Variants in PIN4 observed in about 807,000 individuals in gnomAD.
PIN4 encodes the protein peptidylprolyl cis/trans isomerase, NIMA-interacting 4.
PIN4 carries 3 observed loss-of-function variants against 8.3 expected under a neutral mutation model. The observed-to-expected ratio is 0.36, with a 90% confidence interval of 0.16 to 0.93. PIN4 has a LOEUF of 0.93. Ranked by LOEUF, PIN4 falls within the 40% of genes least tolerant of loss-of-function variation. The pLI is 0.44. For missense variants in PIN4, 75 were observed against 100.6 expected (o/e 0.75, Z 1.09); for synonymous variants, 18 against 32.5 (o/e 0.55, Z 1.52).
intron 3 of PIN4, among the ~76,000 whole-genome samples, chrX:72,254,253 G>A (rs1422987027): frequency 9.0e-6 from 1 of 111,432 alleles, no homozygotes; most frequent in African/African-American, 3.3e-5. Flanking sequence ...TGCTTTTGCT[G>A]TCCCCTTGGC....
intron 2 of PIN4, among the ~76,000 whole-genome samples, chrX:72,192,055 G>A (rs1009138275): frequency 9.0e-6 from 1 of 110,834 alleles, no homozygotes; most frequent in Non-Finnish European, 1.9e-5. Context: ...AGTTTCAAGC[G>A]ATTCTCCTGC....
rs564440425 is a variant in PIN4, at chrX:72,262,700, T to C, written c.313-7T>C. On this transcript the variant is annotated splice_polypyrimidine_tract_variant and splice_region_variant and intron_variant, in intron 3 of 3. Coordinates refer to the PIN4 transcript ENST00000423432. ...ATTGACATTATCACTTTCTTTATGT[T>C]TGGCAGATTCCCAGCCTGCAGCAAC... 3.7e-3 allele frequency: 4,096 copies of C among 1,115,482 alleles called. 21 individuals are homozygous for C. Among genetic ancestry groups the C allele is most frequent in the Middle Eastern group, 0.02 (86 of 4,212 alleles). The allele number at this position is 1,115,482 out of a possible 1,213,427, so 91.9% of individuals were successfully genotyped here. A position where few individuals can be genotyped will look rare whatever the true frequency, so the allele number is the denominator to read the frequency against.
At chrX:72,239,063 A>C (rs968216829) in intron 3 of PIN4, 6 of 543,758 alleles carry the variant, frequency 1.1e-5, no homozygotes, top group Non-Finnish European at 1.1e-5. Flanking sequence ...CAGCCAACCG[A>C]CGGCCTCGCG....
intron 3 of PIN4, among the ~76,000 whole-genome samples, chrX:72,248,634 T>C (rs2043076245): frequency 8.9e-6 from 1 of 112,173 alleles, no homozygotes. Flanking sequence ...TCCCATCACT[T>C]TGGGAGGCCA....
At chrX:72,239,437 C>A (rs2984353) in intron 3 of PIN4, among the ~76,000 whole-genome samples, 31,307 of 111,276 alleles carry the variant, frequency 0.28, 3,451 homozygotes, top group East Asian at 0.5. Context: ...GCTTTGAATT[C>A]AAACACCCTG....
intron 3 of PIN4, among the ~76,000 whole-genome samples, chrX:72,211,077 CCACTTAACTTCTAAT>C: frequency 9.0e-6 from 1 of 111,496 alleles, no homozygotes; most frequent in East Asian, 2.8e-4. Context: ...TTTGATTTAG[CCACTTAACTTCTAAT>C]CACTTCCATT....
At chrX:72,216,027 G>A (rs1206520601) in intron 3 of PIN4, among the ~76,000 whole-genome samples, 2 of 110,249 alleles carry the variant, frequency 1.8e-5, no homozygotes, top group Admixed American at 9.8e-5. Flanking sequence ...TTTTATCCAC[G>A]GGAGTGCCCT....
At chrX:72,206,888 G>T in intron 3 of PIN4, 2 of 1,211,434 alleles carry the variant, frequency 1.7e-6, no homozygotes, top group East Asian at 3.0e-5. Context: ...ATTGTAAAGA[G>T]CTCTCTTAAT....
intron 3 of PIN4, among the ~76,000 whole-genome samples, chrX:72,221,314 A>G (rs995516408): frequency 3.6e-5 from 4 of 112,064 alleles, no homozygotes; most frequent in African/African-American, 9.7e-5. Context: ...TCACGGTACC[A>G]GGAAAAGTTA....
intron 1 of PIN4, among the ~76,000 whole-genome samples, chrX:72,185,941 G>A (rs2042700506): frequency 8.9e-6 from 1 of 112,204 alleles, no homozygotes; most frequent in African/African-American, 3.2e-5. Context: ...CAGAAGGCAG[G>A]GTGTTAAATT....
chrX:72,212,235 C>T (rs1445912232), intron 3 of PIN4, among the ~76,000 whole-genome samples: 1 of 110,460 alleles, frequency 9.1e-6, no homozygotes, highest in Non-Finnish European at 1.9e-5. Flanking sequence ...CGCACCACTA[C>T]ACTCCAACCG....
At chrX:72,210,726 G>C (rs1439039677) in intron 3 of PIN4, among the ~76,000 whole-genome samples, 4 of 111,391 alleles carry the variant, frequency 3.6e-5, no homozygotes, top group African/African-American at 1.3e-4. Context: ...AATACTTATT[G>C]CTGTGCTCTA....
At chrX:72,240,753 TCG>T (rs2043045849) in intron 3 of PIN4, among the ~76,000 whole-genome samples, 1 of 102,587 alleles carries the variant, frequency 9.7e-6, no homozygotes, top group Admixed American at 1.1e-4. Context: ...TGAGCTGAGA[TCG>T]TGCCATTGCA....
intron 3 of PIN4, among the ~76,000 whole-genome samples, chrX:72,223,340 TA>T (rs769062677): frequency 1.9e-3 from 161 of 82,677 alleles, no homozygotes; most frequent in Admixed American, 2.5e-3. Context: ...AACTCTGTCT[TA>T]AAAAAAAAAA....
intron 3 of PIN4, chrX:72,206,476 T>G: frequency 8.3e-7 from 1 of 1,211,160 alleles, no homozygotes; most frequent in Non-Finnish European, 1.1e-6. Context: ...ATCTTCTTCC[T>G]GAGTATGATG....
intron 3 of PIN4, among the ~76,000 whole-genome samples, chrX:72,224,930 C>A (rs1034432958): frequency 9.0e-6 from 1 of 111,063 alleles, no homozygotes; most frequent in Non-Finnish European, 1.9e-5. Context: ...GGGACTCAAG[C>A]CCATCATCTA....
Position 72,210,086 on chromosome X carries a change from C to T in PIN4, c.312+13182C>T, listed in dbSNP as rs745770776. ...GAGGGGGGGAAGAGATATACAGGGC[C>T]GGGTGCGGTGGCTCATGACTGTGAT... is the stretch of plus-strand genomic sequence containing the variant. On this transcript the variant is annotated intron_variant, in intron 3 of 3. Transcript: ENST00000423432. Among the ~76,000 whole-genome samples, 16 of 108,464 alleles carry T rather than the reference C, an allele frequency of 1.5e-4. No homozygotes were observed. The South Asian group carries it at 5.2e-3, about 35-fold the overall frequency. The allele number at this position is 108,464 out of a possible 115,157, so 94.2% of individuals were successfully genotyped here.
intron 2 of PIN4, among the ~76,000 whole-genome samples, chrX:72,188,778 C>T (rs1423723810): frequency 8.9e-6 from 1 of 111,849 alleles, no homozygotes; most frequent in African/African-American, 3.3e-5. Context: ...CCCGCCTCAG[C>T]CTCCAACAGT....
chrX:72,228,407 T>C (rs973623572), intron 3 of PIN4, among the ~76,000 whole-genome samples: 1 of 111,745 alleles, frequency 8.9e-6, no homozygotes, highest in African/African-American at 3.3e-5. Flanking sequence ...CTGGTTTCAT[T>C]ATACTTCTCT....
Sources: allele counts gnomAD v4.1 joint callset (sites outside exome capture counted in the v4.1 genomes callset), GRCh38; gene constraint gnomAD v4.1.1; transcripts MANE v1.5; gene names NCBI Gene and HGNC (gene_info 2026-07-23, HGNC 2026-07-21).